PDE10A: variants seen among roughly 807,000 people sequenced by gnomAD.
The protein encoded by PDE10A is phosphodiesterase 10A.
PDE10A carries 39 observed loss-of-function variants against 97.7 expected under a neutral mutation model. That is an observed-to-expected ratio of 0.40 (90% CI 0.31 to 0.52). PDE10A has a LOEUF of 0.52. Among genes scored for constraint, PDE10A ranks in the 20% least tolerant of loss-of-function variants. The probability of loss-of-function intolerance (pLI) is 0.56; values close to 1 mark genes in which losing one functional copy is unlikely to be tolerated. For synonymous variants in PDE10A, 371 were observed against 376.8 expected (o/e 0.98, Z 0.18); for missense variants, 731 against 1,047.8 (o/e 0.70, Z 4.17).
At chr6:165,715,631 C>T (rs1258894471) in intron 1 of PDE10A, among the ~76,000 whole-genome samples, 1 of 152,172 alleles carries the variant, frequency 6.6e-6, no homozygotes, top group East Asian at 1.9e-4. Context: ...CACGTGAACA[C>T]ACGTGCGCAC....
At chr6:165,735,489 G>A (rs1489424241) in intron 1 of PDE10A, among the ~76,000 whole-genome samples, 1 of 152,100 alleles carries the variant, frequency 6.6e-6, no homozygotes, top group Non-Finnish European at 1.5e-5. Context: ...AAGATAGGTA[G>A]ATGAAGGTAT....
intron 1 of PDE10A, among the ~76,000 whole-genome samples, chr6:165,836,916 G>A (rs1780076708): frequency 6.6e-6 from 1 of 151,910 alleles, no homozygotes; most frequent in African/African-American, 2.4e-5. Flanking sequence ...GATGAAATTG[G>A]AAATCATCAT....
rs1405730160 is a variant in PDE10A, at chr6:165,330,205, C to T, written c.*2820G>A. The T allele has an allele frequency of 6.6e-6, 1 of 152,154 alleles. No homozygotes were observed. The highest frequency in any genetic ancestry group is 1.5e-5 in the Non-Finnish European group (1 of 68,022). The allele number at this position is 152,154 out of a possible 1,614,324, so 9.4% of individuals were successfully genotyped here. On this transcript the variant is annotated 3_prime_UTR_variant, in exon 22 of 22. Transcript: ENST00000539869. ...TCCTACATATGCTCATAGCGGGTTA[C>T]TAAATTTATACTGGGTGGAAAATTT...
chr6:165,632,200 CAAAAAAAAAAAA>C (rs71552885), intron 1 of PDE10A, among the ~76,000 whole-genome samples: 1 of 67,272 alleles, frequency 1.5e-5, no homozygotes, highest in East Asian at 5.1e-4. Flanking sequence ...GAGTCCATCT[CAAAAAAAAAAAA>C]AAAAAAAAAA....
In PDE10A at chr6:165,662,156, AGCCGGGGCGGCGGCGGCG is replaced by A; in HGVS notation, c.638_655del (p.Pro213_Arg218del). 2.3e-6 allele frequency: 1 copy of A among 434,996 alleles called. No homozygotes were observed. The highest frequency in any genetic ancestry group is 3.0e-6 in the Non-Finnish European group (1 of 328,656). The allele number at this position is 434,996 out of a possible 1,614,324, so 26.9% of individuals were successfully genotyped here. ...GCGGCGGGCGGCCTGGCCAAGGGGG[AGCCGGGGCGGCGGCGGCG>A]GCCGGGGACCGGCACGGGCTGGAAG... is the stretch of plus-strand genomic sequence containing the variant. On this transcript the variant is annotated inframe_deletion, in exon 1 of 22. Transcript: ENST00000539869.
At chr6:165,474,032 A>C (rs1779159229) in intron 3 of PDE10A, among the ~76,000 whole-genome samples, 1 of 152,244 alleles carries the variant, frequency 6.6e-6, no homozygotes, top group Non-Finnish European at 1.5e-5. Context: ...TTATGATCAC[A>C]ACTAGTCAGA....
intron 1 of PDE10A, among the ~76,000 whole-genome samples, chr6:165,695,812 G>T (rs1178591285): frequency 1.3e-5 from 2 of 152,168 alleles, no homozygotes; most frequent in Non-Finnish European, 2.9e-5. Context: ...GAGACATCTG[G>T]CAGGAGTCCT....
At chr6:165,879,799 A>C (rs566076921) in intron 1 of PDE10A, among the ~76,000 whole-genome samples, 2 of 151,972 alleles carry the variant, frequency 1.3e-5, no homozygotes, top group South Asian at 4.1e-4. Flanking sequence ...AGTTTTTAAA[A>C]ATTTTGTAAT....
Position 165,428,668 on chromosome 6 carries a change from T to C in PDE10A, c.1643A>G (p.Glu548Gly). Residue 548 changes from glutamate to glycine, a missense_variant, in exon 10 of 22, where the codon GAA (glutamate) becomes GGA (glycine). Glu to Gly is a moderately conservative substitution (Grantham distance 98). Transcript: ENST00000539869. ...ACAAAAACAACCTACCATTATGTGT[T>C]CAAGTAGAGAATCTATTGCAACTAT... ...DNIVAIDSLL[E>G]HIMIYAKNLV... The C allele has an allele frequency of 7.4e-7, 1 of 1,346,300 alleles. No individual in the cohort carries two copies. Among genetic ancestry groups the C allele is most frequent in the Non-Finnish European group, 1.1e-6 (1 of 949,312 alleles). 83.4% of individuals were successfully genotyped at this position (1,346,300 alleles called of 1,614,324 possible).
At chr6:165,643,243 G>T (rs1004505786) in intron 1 of PDE10A, among the ~76,000 whole-genome samples, 3 of 151,562 alleles carry the variant, frequency 2.0e-5, no homozygotes, top group African/African-American at 7.3e-5. Context: ...GGGTGGGTGG[G>T]TGGATGGATG....
At chr6:165,404,987 T>C (rs1787006700) in intron 13 of PDE10A, among the ~76,000 whole-genome samples, 1 of 152,176 alleles carries the variant, frequency 6.6e-6, no homozygotes, top group Admixed American at 6.5e-5. Flanking sequence ...ACCTACTGTC[T>C]ATGGCACCAT....
chr6:165,643,900 AT>A (rs1448061333), intron 1 of PDE10A, among the ~76,000 whole-genome samples: 1 of 152,248 alleles, frequency 6.6e-6, no homozygotes, highest in Non-Finnish European at 1.5e-5. Flanking sequence ...AATTCACCTG[AT>A]TTAATCATTC....
intron 1 of PDE10A, among the ~76,000 whole-genome samples, chr6:165,586,483 C>A (rs1420425672): frequency 6.6e-6 from 1 of 152,134 alleles, no homozygotes; most frequent in African/African-American, 2.4e-5. Context: ...TCTTAGAGAT[C>A]TGACCAGGTG....
At chr6:165,887,407 C>T (rs1053350857) in intron 1 of PDE10A, among the ~76,000 whole-genome samples, 1 of 152,210 alleles carries the variant, frequency 6.6e-6, no homozygotes, top group Non-Finnish European at 1.5e-5. Flanking sequence ...TCTCTACCGT[C>T]CCCAACTTCT....
chr6:165,364,444 G>A (rs546471315), intron 18 of PDE10A, among the ~76,000 whole-genome samples: 3 of 152,276 alleles, frequency 2.0e-5, no homozygotes, highest in Non-Finnish European at 2.9e-5. Context: ...CCAAATATGT[G>A]AGAAGTAACC....
At chr6:165,447,055 C>A (rs891037445) in intron 5 of PDE10A, among the ~76,000 whole-genome samples, 1 of 151,200 alleles carries the variant, frequency 6.6e-6, no homozygotes, top group Admixed American at 6.6e-5. Context: ...AGAGGAACTA[C>A]TTCATTGAGG....
At chr6:165,483,447 T>C (rs1336950819) in intron 2 of PDE10A, among the ~76,000 whole-genome samples, 3 of 152,200 alleles carry the variant, frequency 2.0e-5, no homozygotes, top group Non-Finnish European at 4.4e-5. Flanking sequence ...ATGTAACAAT[T>C]GTCATAGGGA....
At chr6:165,820,839 T>G (rs36063895) in intron 1 of PDE10A, among the ~76,000 whole-genome samples, 10,738 of 152,322 alleles carry the variant, frequency 0.07, 495 homozygotes, top group Non-Finnish European at 0.1. Context: ...TTACACCTTC[T>G]AAGTGAAGTA....
intron 1 of PDE10A, among the ~76,000 whole-genome samples, chr6:165,794,440 G>A (rs973269040): frequency 4.0e-5 from 6 of 150,590 alleles, no homozygotes; most frequent in Admixed American, 1.3e-4. Context: ...ACACTCACTT[G>A]TACTCACACA....
Sources: gnomAD v4.1 joint callset for allele counts (sites outside exome capture counted in the v4.1 genomes callset) on GRCh38, gnomAD v4.1.1 for gene constraint, MANE v1.5 for transcripts, NCBI Gene and HGNC (gene_info 2026-07-23, HGNC 2026-07-21) for gene names.